PKNOX2: variants seen among roughly 807,000 people sequenced by gnomAD.
PKNOX2 encodes PBX/knotted 1 homeobox 2, also known as homeobox protein PKNOX2.
In PKNOX2, 14 loss-of-function variants were observed where a neutral mutation model predicts 53.1. The observed-to-expected ratio is 0.26, with a 90% CI of 0.17 to 0.41. PKNOX2 has a LOEUF of 0.41. PKNOX2 is among the 10% of genes least tolerant of loss of function. The probability of loss-of-function intolerance (pLI) is 1.00; values close to 1 mark genes in which losing one functional copy is unlikely to be tolerated. For synonymous variants in PKNOX2, 257 were observed against 242.8 expected (o/e 1.06, Z -0.54); for missense variants, 496 against 602.8 (o/e 0.82, Z 1.85).
intron 5 of PKNOX2, among the ~76,000 whole-genome samples, chr11:125,376,989 A>G (rs572420727): frequency 5.3e-5 from 8 of 152,350 alleles, no homozygotes; most frequent in Non-Finnish European, 1.2e-4. Flanking sequence ...CTCTATTTGA[A>G]TTGGCATGTG....
chr11:125,290,676 C>T (rs1349221110), intron 2 of PKNOX2, among the ~76,000 whole-genome samples: 1 of 152,220 alleles, frequency 6.6e-6, no homozygotes, highest in Non-Finnish European at 1.5e-5. Flanking sequence ...ATTCAACAAA[C>T]ACTAGGTCCT....
chr11:125,304,412 AG>A (rs1948285930), intron 2 of PKNOX2, among the ~76,000 whole-genome samples: 1 of 152,248 alleles, frequency 6.6e-6, no homozygotes, highest in African/African-American at 2.4e-5. Flanking sequence ...AACATATGGC[AG>A]AGGGGGTCCC....
intron 1 of PKNOX2, among the ~76,000 whole-genome samples, chr11:125,181,573 G>A (rs1404633012): frequency 6.6e-5 from 10 of 152,224 alleles, no homozygotes; most frequent in Non-Finnish European, 1.3e-4. Flanking sequence ...CCTGAACAAC[G>A]TCGTTTACCA....
chr11:125,297,450 G>A (rs555363166), intron 2 of PKNOX2, among the ~76,000 whole-genome samples: 15 of 152,306 alleles, frequency 9.8e-5, no homozygotes, highest in Admixed American at 3.9e-4. Context: ...AGCCATGTGC[G>A]GTATACTAGA....
At chr11:125,285,668 T>G (rs984054833) in intron 2 of PKNOX2, among the ~76,000 whole-genome samples, 4 of 152,264 alleles carry the variant, frequency 2.6e-5, no homozygotes, top group Non-Finnish European at 5.9e-5. Flanking sequence ...TGCAGTGGTG[T>G]GCTGGAGCCA....
intron 3 of PKNOX2, among the ~76,000 whole-genome samples, chr11:125,333,482 G>T (rs1296372779): frequency 6.6e-6 from 1 of 151,936 alleles, no homozygotes; most frequent in Admixed American, 6.6e-5. Flanking sequence ...TTCCACAGAT[G>T]GGGTAGAGGC....
intron 3 of PKNOX2, among the ~76,000 whole-genome samples, chr11:125,335,913 G>A (rs1330832331): frequency 6.6e-6 from 1 of 152,190 alleles, no homozygotes; most frequent in African/African-American, 2.4e-5. Flanking sequence ...GGACATGGAA[G>A]TGGGTGCGTG....
At chr11:125,398,102 C>T in intron 7 of PKNOX2, 40 bp downstream of exon 7, 1 of 1,568,524 alleles carries the variant, frequency 6.4e-7, no homozygotes, top group Non-Finnish European at 8.7e-7. Context: ...AAGCCAGGCT[C>T]CTAAGCCCAG....
chr11:125,410,233 T>A lies in PKNOX2; in HGVS notation c.626T>A (p.Val209Asp). The change falls in exon 8 of 13, where the codon GTC (valine) becomes GAC (aspartate). Residue 209 changes from valine (V) to aspartate (D), a missense_variant. Transcript: ENST00000298282. The stretch of plus-strand genomic sequence containing the variant: ...AATTCCCCCAATTCCATGTCCGGAG[T>A]CTCCAATAACCCCCAGGGGATTGTG... ...LQNSPNSMSGVSNNPQGIVVP... is the reference protein window; with the variant it reads ...LQNSPNSMSGDSNNPQGIVVP... The A allele has an allele frequency of 6.2e-7, 1 of 1,613,440 alleles. No individual in the cohort carries two copies. Among genetic ancestry groups the A allele is most frequent in the Non-Finnish European group, 8.5e-7 (1 of 1,179,858 alleles).
At position 125,430,405 on chromosome 11, in the gene PKNOX2, C is replaced by T. The variant is rs900158462; in HGVS notation, c.1192+264C>T. 1.2e-4 allele frequency among the ~76,000 whole-genome samples: 18 copies of T among 152,256 alleles called. No individual in the cohort carries two copies. In the East Asian group the frequency reaches 3.1e-3, roughly 26 times the overall value. ...ACTGCTCAGCAGAGCCCCCCATGTC[C>T]GCACCCATCTGAGTTCCTTAGCACC... is the stretch of plus-strand genomic sequence containing the variant. On this transcript the variant is annotated intron_variant, in intron 12 of 12. Transcript: ENST00000298282.
chr11:125,429,793 A>C (rs1956607035), intron 11 of PKNOX2, among the ~76,000 whole-genome samples, 170 bp from the exon 12 acceptor site: 1 of 152,124 alleles, frequency 6.6e-6, no homozygotes, highest in African/African-American at 2.4e-5. Flanking sequence ...AGGAAATTTC[A>C]TGAACTTCTC....
At chr11:125,346,652 G>A (rs1276208070) in intron 3 of PKNOX2, among the ~76,000 whole-genome samples, 1 of 152,204 alleles carries the variant, frequency 6.6e-6, no homozygotes, top group Non-Finnish European at 1.5e-5. Context: ...CTGTCTCAAG[G>A]GAAGGAAAAT....
intron 1 of PKNOX2, among the ~76,000 whole-genome samples, chr11:125,170,665 G>A (rs79787595): frequency 0.074 from 11,210 of 152,276 alleles, 445 homozygotes; most frequent in Middle Eastern, 0.15. Context: ...CAAGAAGGAC[G>A]TTTCTGCTAA....
chr11:125,243,451 C>T (rs1943311360), intron 2 of PKNOX2, among the ~76,000 whole-genome samples: 1 of 152,186 alleles, frequency 6.6e-6, no homozygotes, highest in South Asian at 2.1e-4. Context: ...ATTGTCTGGA[C>T]TCCATGTCTC....
At chr11:125,226,260 C>G (rs775641211) in intron 1 of PKNOX2, among the ~76,000 whole-genome samples, 10 of 152,164 alleles carry the variant, frequency 6.6e-5, no homozygotes, top group Non-Finnish European at 1.0e-4. Flanking sequence ...GACTTTATGG[C>G]TGAATGTGAA....
intron 2 of PKNOX2, among the ~76,000 whole-genome samples, chr11:125,290,125 A>C (rs1947215295): frequency 6.6e-6 from 1 of 152,140 alleles, no homozygotes; most frequent in African/African-American, 2.4e-5. Context: ...AAGGGGAATG[A>C]GGTCTCTGAT....
intron 2 of PKNOX2, among the ~76,000 whole-genome samples, chr11:125,249,042 CTATATAT>C (rs897631574): frequency 5.7e-5 from 6 of 106,112 alleles, no homozygotes; most frequent in African/African-American, 1.8e-4. Flanking sequence ...TATATATAAC[CTATATAT>C]TATATATAAT....
intron 4 of PKNOX2, among the ~76,000 whole-genome samples, chr11:125,362,150 T>TA (rs1951959241): frequency 6.6e-6 from 1 of 152,172 alleles, no homozygotes; most frequent in Non-Finnish European, 1.5e-5. Context: ...AGTTTCATTC[T>TA]AATTGGAGCC....
chr11:125,402,315 G>C (rs186146496), intron 7 of PKNOX2, among the ~76,000 whole-genome samples: 214 of 152,206 alleles, frequency 1.4e-3, no homozygotes, highest in African/African-American at 4.9e-3. Flanking sequence ...GTGGGGGCAG[G>C]ATCCTCTGTA....
Sources: gnomAD v4.1 joint callset for allele counts (sites outside exome capture counted in the v4.1 genomes callset) on GRCh38, gnomAD v4.1.1 for gene constraint, MANE v1.5 for transcripts, NCBI Gene and HGNC (gene_info 2026-07-23, HGNC 2026-07-21) for gene names.